Variants in GPHN observed in about 807,000 individuals in gnomAD.
GPHN encodes gephyrin.
In GPHN, 17 loss-of-function variants were observed where a neutral mutation model predicts 95.5. The ratio of observed to expected loss-of-function variants is 0.18; its 90% CI spans 0.12 to 0.27. The LOEUF is 0.27. Among genes scored for constraint, GPHN ranks in the 10% least tolerant of loss-of-function variants. The pLI is 1.00. For missense variants in GPHN, 660 were observed against 978.1 expected, an observed-to-expected ratio of 0.67 and a Z score of 4.34; for synonymous variants, 320 against 322.5, an observed-to-expected ratio of 0.99 and a Z score of 0.08.
rs34161395 is a variant in GPHN at position 67,166,643 on chromosome 14, G to GTT, written c.1975+1422_1975+1423dup. On this transcript the variant is annotated intron_variant, in intron 20 of 22. Transcript: ENST00000478722. ...GTTTTTGTTGTTATTGGTTTTGTTT[G>GTT]TTTTTTGTGTTTTGTGTTTTTTGTT... 4.6e-5 allele frequency among the ~76,000 whole-genome samples: 7 copies of GTT among 151,922 alleles called. No individual in the cohort carries two copies. In the East Asian group the frequency reaches 1.4e-3, roughly 29 times the overall value.
the GPHN span, among the ~76,000 whole-genome samples, chr14:67,290,566 A>G: frequency 1.3e-5 from 2 of 152,150 alleles, no homozygotes; most frequent in African/African-American, 4.8e-5. Context: ...TTTAAAAATT[A>G]TTGTTATTTT....
the GPHN span, among the ~76,000 whole-genome samples, chr14:67,251,366 C>T: frequency 1.9e-4 from 29 of 152,200 alleles, 2 homozygotes; most frequent in African/African-American, 6.5e-4. Flanking sequence ...GACCCTGTCT[C>T]TACAAAAAAT....
intron 3 of GPHN, among the ~76,000 whole-genome samples, chr14:66,806,118 A>G (rs1453484459): frequency 6.6e-6 from 1 of 152,136 alleles, no homozygotes; most frequent in East Asian, 1.9e-4. Flanking sequence ...GTTCACTCGC[A>G]AGCTCAATAC....
intron 1 of GPHN, among the ~76,000 whole-genome samples, chr14:66,555,901 A>C (rs1433402990): frequency 6.6e-6 from 1 of 151,962 alleles, no homozygotes; most frequent in Non-Finnish European, 1.5e-5. Context: ...AGCAATGGGG[A>C]TGTATTCTGA....
At chr14:67,302,337 A>T in the GPHN span, 1 of 1,212,920 alleles carries the variant, frequency 8.2e-7, no homozygotes, top group Non-Finnish European at 1.1e-6. Context: ...TGGAAAAAAT[A>T]GAATTTAAAA....
chr14:66,889,899 A>G (rs1202411869), intron 5 of GPHN, among the ~76,000 whole-genome samples: 1 of 152,150 alleles, frequency 6.6e-6, no homozygotes, highest in Non-Finnish European at 1.5e-5. Flanking sequence ...AAAGAAACTC[A>G]AATTACTAAA....
chr14:66,605,304 G>T (rs1015615843), intron 1 of GPHN, among the ~76,000 whole-genome samples: 4 of 151,940 alleles, frequency 2.6e-5, no homozygotes. Flanking sequence ...GAACTAACTT[G>T]CATTCCCACC....
chr14:67,136,455 T>C (rs772108579), intron 17 of GPHN, among the ~76,000 whole-genome samples: 2 of 152,264 alleles, frequency 1.3e-5, no homozygotes, highest in East Asian at 3.8e-4. Context: ...GCAGTCTTAG[T>C]ATTTTTTCAA....
the GPHN span, among the ~76,000 whole-genome samples, chr14:67,573,122 C>T: frequency 1.3e-5 from 2 of 152,204 alleles, no homozygotes; most frequent in African/African-American, 2.4e-5. This position sits in a 1 kb window ranked among gnomAD's most constrained non-coding sequence, Gnocchi z 4.8. Context: ...CATAGCAGGG[C>T]ATGGTACTCT....
the GPHN span, among the ~76,000 whole-genome samples, chr14:67,498,614 AG>A: frequency 6.6e-6 from 1 of 152,360 alleles, no homozygotes; most frequent in African/African-American, 2.4e-5. Flanking sequence ...GAGCAGAATT[AG>A]GGTGGCTTCA....
In GPHN at chr14:66,508,260, G is replaced by A; in HGVS notation, c.-268G>A. The A allele has an allele frequency of 3.6e-6, 2 of 559,840 alleles. No homozygotes were observed. The highest frequency in any genetic ancestry group is 3.0e-5 in the East Asian group (1 of 32,796). The allele number at this position is 559,840 out of a possible 1,614,324, so 34.7% of individuals were successfully genotyped here. On this transcript the variant is annotated 5_prime_UTR_variant, in exon 1 of 23. Coordinates refer to ENST00000478722, the MANE Select transcript of GPHN (RefSeq NM_020806.5). Reference sequence around the variant, plus strand: ...CGCGCGCTCTCCCCGTGCGGCCACCGCGCCCCCCAAGCTTGCCTCCTTCTT... The same window carrying A: ...CGCGCGCTCTCCCCGTGCGGCCACCACGCCCCCCAAGCTTGCCTCCTTCTT...
chr14:66,667,403 A>C (rs2066027598), intron 1 of GPHN, among the ~76,000 whole-genome samples: 1 of 152,192 alleles, frequency 6.6e-6, no homozygotes, highest in African/African-American at 2.4e-5. Flanking sequence ...ACTTCAAACT[A>C]TACTATGGGG....
At chr14:67,359,206 G>A in the GPHN span, among the ~76,000 whole-genome samples, 184 of 152,320 alleles carry the variant, frequency 1.2e-3, no homozygotes, top group Non-Finnish European at 2.4e-3. Flanking sequence ...CTTTGGCTTA[G>A]GGACCTCTTC....
At chr14:67,308,145 GGGT>G in the GPHN span, among the ~76,000 whole-genome samples, 3 of 151,730 alleles carry the variant, frequency 2.0e-5, no homozygotes, top group Non-Finnish European at 2.9e-5. Context: ...CTTAATACCT[GGGT>G]GATGAAATAA....
chr14:67,116,261 C>CAAAG (rs1356467630), intron 16 of GPHN, among the ~76,000 whole-genome samples: 1 of 100,882 alleles, frequency 9.9e-6, no homozygotes, highest in Non-Finnish European at 2.1e-5. Context: ...CAGAGTGAGA[C>CAAAG]AAAGAAAGAA....
the GPHN span, chr14:67,397,914 C>A: frequency 9.5e-7 from 1 of 1,056,212 alleles, no homozygotes; most frequent in Non-Finnish European, 1.4e-6. Flanking sequence ...CACAAGTAAC[C>A]AGACTGTGCT....
intron 18 of GPHN, among the ~76,000 whole-genome samples, chr14:67,152,471 A>G (rs1441089495): frequency 8.0e-6 from 1 of 124,602 alleles, no homozygotes; most frequent in Non-Finnish European, 1.5e-5. Flanking sequence ...TAACTCAACA[A>G]CGAGCAAATA....
At chr14:67,286,389 T>C in the GPHN span, among the ~76,000 whole-genome samples, 1 of 152,250 alleles carries the variant, frequency 6.6e-6, no homozygotes, top group Non-Finnish European at 1.5e-5. Flanking sequence ...CTCTGTGTCT[T>C]CATCTTTTAT....
At chr14:67,245,234 G>A in the GPHN span, among the ~76,000 whole-genome samples, 175 of 152,330 alleles carry the variant, frequency 1.1e-3, no homozygotes, top group African/African-American at 4.2e-3. Context: ...TTGTCAGGCT[G>A]GGTTTGAAGT....
Sources: gnomAD v4.1 joint callset for allele counts (sites outside exome capture counted in the v4.1 genomes callset) on GRCh38, gnomAD v4.1.1 for gene constraint, Gnocchi (gnomAD v3.1) non-coding constraint, MANE v1.5 for transcripts, NCBI Gene and HGNC (gene_info 2026-07-23, HGNC 2026-07-21) for gene names.